The following ABCC4 variants were observed in gnomAD, a reference collection of about 807,000 sequenced individuals.
The protein encoded by ABCC4 is ATP-binding cassette sub-family C member 4.
ABCC4 carries 102 observed loss-of-function variants against 168.5 expected under a neutral mutation model. The observed-to-expected ratio is 0.61, with a 90% confidence interval of 0.52 to 0.71. ABCC4 has a LOEUF of 0.71. Among genes scored for constraint, ABCC4 ranks in the 30% least tolerant of loss-of-function variants. The probability of loss-of-function intolerance (pLI) is 0.00; values close to 1 mark genes in which losing one functional copy is unlikely to be tolerated. For synonymous variants in ABCC4, 617 were observed against 590.7 expected, an observed-to-expected ratio of 1.04 and a Z score of -0.65; for missense variants, 1,402 against 1,605.8, an observed-to-expected ratio of 0.87 and a Z score of 2.17.
chr13:95,173,809 T>G (rs2037564825), intron 13 of ABCC4, among the ~76,000 whole-genome samples: 1 of 152,192 alleles, frequency 6.6e-6, no homozygotes. Context: ...GCCTATTTCA[T>G]GAGAATCTGC....
At chr13:95,048,166 T>A (rs2032674994) in intron 27 of ABCC4, among the ~76,000 whole-genome samples, 1 of 152,238 alleles carries the variant, frequency 6.6e-6, no homozygotes, top group South Asian at 2.1e-4. Context: ...CTCCAAGATA[T>A]CATAACATTA....
At chr13:95,247,775 C>T (rs758936040) in intron 1 of ABCC4, 22 bp from the exon 2 acceptor site, 1 of 1,585,524 alleles carries the variant, frequency 6.3e-7, no homozygotes, top group African/African-American at 1.3e-5. Flanking sequence ...AGAAAAGAGA[C>T]ATATATCCAG....
At chr13:95,167,418 CA>C in intron 14 of ABCC4, among the ~76,000 whole-genome samples, 1 of 152,110 alleles carries the variant, frequency 6.6e-6, no homozygotes, top group Admixed American at 6.5e-5. Context: ...TCCCAGAATA[CA>C]AAACAAATCA....
chr13:95,183,758 A>G (rs913807858), intron 11 of ABCC4, among the ~76,000 whole-genome samples: 7 of 152,118 alleles, frequency 4.6e-5, no homozygotes, highest in Admixed American at 2.0e-4. Context: ...CTAAAAGTAC[A>G]AAAAAATTAG....
chr13:95,254,016 C>G (rs1344086699), intron 1 of ABCC4, among the ~76,000 whole-genome samples: 2 of 152,128 alleles, frequency 1.3e-5, no homozygotes, highest in Non-Finnish European at 2.9e-5. Flanking sequence ...CCTCAACCTC[C>G]CAAGTAGCTG....
At chr13:95,052,481 T>C (rs2032884288) in intron 27 of ABCC4, among the ~76,000 whole-genome samples, 1 of 152,108 alleles carries the variant, frequency 6.6e-6, no homozygotes, top group African/African-American at 2.4e-5. Context: ...TGAGAAAATT[T>C]CAAGAAGTGG....
At chr13:95,199,828 T>C (rs1444653001) in intron 8 of ABCC4, among the ~76,000 whole-genome samples, 5 of 152,062 alleles carry the variant, frequency 3.3e-5, no homozygotes, top group Non-Finnish European at 7.3e-5. Flanking sequence ...TCTCACATAA[T>C]TACCCCCAGG....
intron 20 of ABCC4, among the ~76,000 whole-genome samples, chr13:95,097,467 C>A (rs527718759): frequency 6.6e-6 from 1 of 152,046 alleles, no homozygotes; most frequent in East Asian, 1.9e-4. Context: ...AAAAACACCC[C>A]ACTCTTAGTA....
chr13:95,185,165 T>C lies in ABCC4; in HGVS notation c.1545+1536A>G, dbSNP rs142751362. On this transcript the variant is annotated intron_variant, in intron 11 of 30. Transcript: ENST00000645237. ...ATCAGAAAAATAAACAAAATGAGGA[T>C]AGCAATAGCAAAGGCACTGGGAAAT... is the stretch of plus-strand genomic sequence containing the variant. 3.3e-3 allele frequency among the ~76,000 whole-genome samples: 508 copies of C among 152,088 alleles called. 1 individual carries two copies. Among genetic ancestry groups the C allele is most frequent in the African/African-American group, 0.012 (478 of 41,458 alleles).
At position 95,183,032 on chromosome 13, in the gene ABCC4, CAT is replaced by C. The variant is rs1316904818; in HGVS notation, c.1545+3667_1545+3668del. On this transcript the variant is annotated intron_variant, in intron 11 of 30. Coordinates refer to ENST00000645237, the MANE Select transcript of ABCC4 (RefSeq NM_005845.5). The stretch of plus-strand genomic sequence containing the variant: ...GTACAATATATCTAGTTGCTATCAA[CAT>C]ATCTGAGAAATCTTGTTAGTTCCTA... Among the ~76,000 whole-genome samples, 3 of 149,002 alleles carry C rather than the reference CAT, an allele frequency of 2.0e-5. No individual in the cohort carries two copies. In the East Asian group the frequency reaches 5.9e-4, roughly 29 times the overall value.
intron 19 of ABCC4, among the ~76,000 whole-genome samples, chr13:95,117,312 A>G (rs1361537957): frequency 6.6e-6 from 1 of 151,860 alleles, no homozygotes; most frequent in East Asian, 1.9e-4. Context: ...TGGCTGCTAG[A>G]AAACCAAAAC....
intron 11 of ABCC4, among the ~76,000 whole-genome samples, chr13:95,184,427 T>G (rs906704820): frequency 2.6e-5 from 4 of 152,134 alleles, no homozygotes; most frequent in Non-Finnish European, 5.9e-5. Flanking sequence ...CACCCCCAAC[T>G]GAGAGGTGCC....
chr13:95,235,170 T>C (rs763351993), intron 3 of ABCC4, among the ~76,000 whole-genome samples: 1 of 152,106 alleles, frequency 6.6e-6, no homozygotes, highest in Non-Finnish European at 1.5e-5. Context: ...GGATTACAGA[T>C]GTGAGCCACG....
At position 95,163,175 on chromosome 13, in the gene ABCC4, C is replaced by T; in HGVS notation, c.2255G>A (p.Gly752Glu). 1.2e-6 allele frequency: 2 copies of T among 1,613,488 alleles called. No homozygotes were observed. Among genetic ancestry groups the T allele is most frequent in the Non-Finnish European group, 1.7e-6 (2 of 1,179,632 alleles). ...ATCTAGCTTCTCGGTTACATTTCCT[C>T]CTCCATTTACAGTGACATTTAGCAT... ...QSMLNVTVNG[G>E]GNVTEKLDLN... Residue 752 changes from glycine (G) to glutamate (E), a missense_variant, in exon 18 of 31, where the codon GGA becomes GAA. Coordinates refer to ENST00000645237, the MANE Select transcript of ABCC4 (RefSeq NM_005845.5).
intron 14 of ABCC4, among the ~76,000 whole-genome samples, chr13:95,169,914 C>T (rs9556462): frequency 0.076 from 11,497 of 152,180 alleles, 469 homozygotes; most frequent in Middle Eastern, 0.13. Flanking sequence ...TGGAGTGCAA[C>T]GGCATGATCT....
chr13:95,145,028 C>T (rs947282572), intron 19 of ABCC4, among the ~76,000 whole-genome samples: 6 of 151,824 alleles, frequency 4.0e-5, no homozygotes, highest in African/African-American at 1.5e-4. Context: ...AAACAGTCAC[C>T]AAGCATATGA....
At chr13:95,265,946 T>TC (rs1311329476) in intron 1 of ABCC4, among the ~76,000 whole-genome samples, 5 of 151,828 alleles carry the variant, frequency 3.3e-5, no homozygotes, top group Admixed American at 6.6e-5. Context: ...GCTGTATCTG[T>TC]CCCCCCCAGT....
intron 25 of ABCC4, among the ~76,000 whole-genome samples, chr13:95,065,794 C>CA (rs890333547): frequency 1.3e-5 from 2 of 152,164 alleles, no homozygotes; most frequent in Non-Finnish European, 2.9e-5. Flanking sequence ...TGTATCCCTG[C>CA]AAATTCACTA....
chr13:95,272,244 C>T (rs2040865344), intron 1 of ABCC4, among the ~76,000 whole-genome samples: 1 of 151,392 alleles, frequency 6.6e-6, no homozygotes, highest in African/African-American at 2.4e-5. Flanking sequence ...TAGCGTTTCA[C>T]CACGTTGGCC....
Sources: gnomAD v4.1 joint callset for allele counts (sites outside exome capture counted in the v4.1 genomes callset) on GRCh38, gnomAD v4.1.1 for gene constraint, MANE v1.5 for transcripts, NCBI Gene and HGNC (gene_info 2026-07-23, HGNC 2026-07-21) for gene names.